KCTD8: variants seen among roughly 807,000 people sequenced by gnomAD.
The protein encoded by KCTD8 is BTB/POZ domain-containing protein KCTD8.
In KCTD8, 27 loss-of-function variants were observed where a neutral mutation model predicts 31.5. The observed-to-expected ratio is 0.86, with a 90% confidence interval of 0.63 to 1.18. The LOEUF (loss-of-function observed/expected upper bound fraction) is 1.18. KCTD8 is among the 50% of genes most tolerant of loss of function. KCTD8 has a pLI of 0.00. For missense variants in KCTD8, 658 were observed against 647.7 expected (o/e 1.02, Z -0.17); for synonymous variants, 290 against 280.0 (o/e 1.04, Z -0.36).
intron 1 of KCTD8, among the ~76,000 whole-genome samples, chr4:44,186,240 C>G (rs760767446): frequency 3.3e-5 from 5 of 152,072 alleles, no homozygotes; most frequent in East Asian, 1.9e-4. Flanking sequence ...ACTGGGGGAG[C>G]GATGTGGCGG....
At chr4:44,180,223 C>A (rs62304793) in intron 1 of KCTD8, among the ~76,000 whole-genome samples, 9,841 of 152,130 alleles carry the variant, frequency 0.065, 400 homozygotes, top group East Asian at 0.13. Flanking sequence ...TTTTGGTGAT[C>A]TCATCAGCTA....
chr4:44,188,579 C>G (rs566205607), intron 1 of KCTD8, among the ~76,000 whole-genome samples: 2 of 152,246 alleles, frequency 1.3e-5, no homozygotes, highest in South Asian at 4.1e-4. Flanking sequence ...TCCCTGGAAC[C>G]TGTAAATGTC....
At chr4:44,287,631 G>T (rs1717136878) in intron 1 of KCTD8, among the ~76,000 whole-genome samples, 1 of 152,138 alleles carries the variant, frequency 6.6e-6, no homozygotes, top group Non-Finnish European at 1.5e-5. Context: ...TAATAGTCCT[G>T]ATTCTGCCAT....
intron 1 of KCTD8, among the ~76,000 whole-genome samples, chr4:44,401,916 C>A (rs1448151655): frequency 6.6e-6 from 1 of 151,930 alleles, no homozygotes; most frequent in East Asian, 1.9e-4. Flanking sequence ...AGCAATATAC[C>A]CTCCCAAAAT....
At chr4:44,268,220 G>T (rs1325007363) in intron 1 of KCTD8, among the ~76,000 whole-genome samples, 1 of 150,052 alleles carries the variant, frequency 6.7e-6, no homozygotes, top group African/African-American at 2.5e-5. Flanking sequence ...TCATCCCTGG[G>T]ATGCAAGGCT....
intron 1 of KCTD8, among the ~76,000 whole-genome samples, chr4:44,379,560 A>G (rs1577645372): frequency 6.6e-6 from 1 of 151,934 alleles, no homozygotes. Flanking sequence ...AGGTGTGTGT[A>G]TGTGTGTGTG....
intron 1 of KCTD8, among the ~76,000 whole-genome samples, chr4:44,288,116 G>A (rs1717157234): frequency 6.6e-6 from 1 of 152,098 alleles, no homozygotes; most frequent in South Asian, 2.1e-4. Context: ...AAGCTTGTGT[G>A]CTAGAGGAGA....
At chr4:44,437,234 G>A in intron 1 of KCTD8, among the ~76,000 whole-genome samples, 1 of 152,088 alleles carries the variant, frequency 6.6e-6, no homozygotes, top group African/African-American at 2.4e-5. Context: ...TGGCCAAGGA[G>A]CACTCACAGG....
intron 1 of KCTD8, among the ~76,000 whole-genome samples, chr4:44,271,393 T>C (rs776435274): frequency 6.6e-6 from 1 of 152,160 alleles, no homozygotes; most frequent in Non-Finnish European, 1.5e-5. Flanking sequence ...AATAGCATAA[T>C]GGCTAACAGC....
chr4:44,382,181 C>T (rs1276252050), intron 1 of KCTD8, among the ~76,000 whole-genome samples: 1 of 151,944 alleles, frequency 6.6e-6, no homozygotes, highest in African/African-American at 2.4e-5. Context: ...ATTACCTAGA[C>T]AGAAAATCAA....
In KCTD8 at chr4:44,240,944, C is replaced by T. The variant is rs1025716203; in HGVS notation, c.962-65694G>A. 9.2e-5 allele frequency among the ~76,000 whole-genome samples: 14 copies of T among 152,332 alleles called. No individual in the cohort carries two copies. The South Asian group carries it at 1.2e-3, about 14-fold the overall frequency. On this transcript the variant is annotated intron_variant, in intron 1 of 1. Transcript: ENST00000360029. The stretch of plus-strand genomic sequence containing the variant: ...AGAGGAAAACGTGACATAAGGTCCT[C>T]AACCTTTGTTTCCTTCTCCATGATC...
chr4:44,278,666 A>T (rs2109377150), intron 1 of KCTD8, among the ~76,000 whole-genome samples: 2 of 152,172 alleles, frequency 1.3e-5, no homozygotes, highest in South Asian at 4.1e-4. Context: ...ATTGATCAAC[A>T]GTATTCAAAT....
intron 1 of KCTD8, among the ~76,000 whole-genome samples, chr4:44,312,203 C>A (rs114170389): frequency 2.6e-5 from 4 of 151,988 alleles, no homozygotes. Flanking sequence ...TTGAGAGTGG[C>A]GGGAGTGTTT....
chr4:44,217,756 T>C lies in KCTD8; in HGVS notation c.962-42506A>G, dbSNP rs115886087. Among the ~76,000 whole-genome samples, 1,323 of 152,270 alleles carry C rather than the reference T, an allele frequency of 8.7e-3. 19 individuals are homozygous for C. The highest frequency in any genetic ancestry group is 0.03 in the African/African-American group (1,238 of 41,566). On this transcript the variant is annotated intron_variant, in intron 1 of 1. Transcript: ENST00000360029. ...GCTGGATGCTTCCATCCATTCTTCC[T>C]GCCCTTGGACATGGGACTCCAGGTT...
At chr4:44,305,390 A>G (rs1018164564) in intron 1 of KCTD8, among the ~76,000 whole-genome samples, 2 of 151,806 alleles carry the variant, frequency 1.3e-5, no homozygotes, top group African/African-American at 4.8e-5. Flanking sequence ...AAATAAAAGG[A>G]TATTTTAAAA....
At chr4:44,214,578 AATGAAACCGCCTTTGCAAAAATTAT>A (rs779136673) in intron 1 of KCTD8, among the ~76,000 whole-genome samples, 24 of 152,204 alleles carry the variant, frequency 1.6e-4, no homozygotes, top group Non-Finnish European at 1.3e-4. Context: ...CCAGAGATAA[AATGAAACCGCCTTTGCAAAAATTAT>A]AACTGAGAAG....
chr4:44,221,711 G>T (rs942960967), intron 1 of KCTD8, among the ~76,000 whole-genome samples: 16 of 152,132 alleles, frequency 1.1e-4, no homozygotes, highest in Admixed American at 9.8e-4. Context: ...ATGGGAGAAA[G>T]ATGGATGCCA....
chr4:44,316,639 T>C (rs1386030416), intron 1 of KCTD8, among the ~76,000 whole-genome samples: 2 of 151,782 alleles, frequency 1.3e-5, no homozygotes, highest in Non-Finnish European at 2.9e-5. Flanking sequence ...AATCTTCTTA[T>C]AGTTTGAATA....
intron 1 of KCTD8, among the ~76,000 whole-genome samples, chr4:44,348,799 G>T (rs1273352924): frequency 6.6e-6 from 1 of 151,938 alleles, no homozygotes; most frequent in Non-Finnish European, 1.5e-5. Context: ...TGACCTTCTT[G>T]CTGTGTTCAC....
Sources: allele counts gnomAD v4.1 joint callset (sites outside exome capture counted in the v4.1 genomes callset), GRCh38; gene constraint gnomAD v4.1.1; transcripts MANE v1.5; gene names NCBI Gene and HGNC (gene_info 2026-07-23, HGNC 2026-07-21).